The following CCDC150 variants were observed in gnomAD, a reference collection of about 807,000 sequenced individuals.
CCDC150 encodes the protein coiled-coil domain-containing protein 150.
A neutral mutation model predicts 156.5 loss-of-function variants in CCDC150; 151 were observed. The observed-to-expected ratio is 0.97, with a 90% CI of 0.85 to 1.10. The LOEUF (loss-of-function observed/expected upper bound fraction) is 1.10. Among genes scored for constraint, CCDC150 ranks in the 50% least tolerant of loss-of-function variants. The pLI is 0.00. For missense variants in CCDC150, 1,312 were observed against 1,268.1 expected (o/e 1.03, Z -0.53); for synonymous variants, 452 against 429.4 (o/e 1.05, Z -0.65).
At chr2:196,700,904 G>A (rs1368429100) in intron 14 of CCDC150, among the ~76,000 whole-genome samples, 2 of 152,178 alleles carry the variant, frequency 1.3e-5, no homozygotes, top group Admixed American at 1.3e-4. Context: ...AAAGCTTCAT[G>A]CTTTTATTAG....
intron 4 of CCDC150, among the ~76,000 whole-genome samples, chr2:196,658,252 C>A (rs935137185): frequency 4.0e-5 from 6 of 151,720 alleles, no homozygotes; most frequent in African/African-American, 1.5e-4. Context: ...GAGGAATGTT[C>A]TGTAAAAAAA....
In CCDC150 at chr2:196,674,354, C is replaced by T. The variant is rs756643549; in HGVS notation, c.1137+6C>T. 9.5e-6 allele frequency: 15 copies of T among 1,576,502 alleles called. No homozygotes were observed. The East Asian group carries it at 2.0e-4, about 22-fold the overall frequency. The stretch of plus-strand genomic sequence containing the variant: ...ACCATCAGGCCATTCTGCAGGTATT[C>T]GTTTAACATGAAAGCCAACCAGAAA... On this transcript the variant is annotated splice_donor_region_variant and intron_variant, in intron 10 of 27. Coordinates refer to ENST00000389175, the MANE Select transcript of CCDC150 (RefSeq NM_001080539.2).
intron 17 of CCDC150, among the ~76,000 whole-genome samples, chr2:196,714,664 T>C (rs1470652400): frequency 2.0e-5 from 3 of 152,170 alleles, no homozygotes; most frequent in Non-Finnish European, 2.9e-5. Flanking sequence ...CCTTGGTGTT[T>C]TTCCTTGATC....
chr2:196,713,023 T>A, intron 17 of CCDC150: 1 of 476,852 alleles, frequency 2.1e-6, no homozygotes. Context: ...TCTATACCCC[T>A]GGTAACCAAG....
At position 196,678,108 on chromosome 2, in the gene CCDC150, A is replaced by G. The variant is rs1694618615; in HGVS notation, c.1509+747A>G. On this transcript the variant is annotated intron_variant, in intron 13 of 27. Coordinates refer to ENST00000389175, the MANE Select transcript of CCDC150 (RefSeq NM_001080539.2). ...AACAGTAGAATGTCCAGAGAAACAA[A>G]TGAAATCCTTATTAAAATTAAACAA... Among the ~76,000 whole-genome samples the G allele has an allele frequency of 2.0e-5, 3 of 152,368 alleles. No homozygotes were observed. In the South Asian group the frequency reaches 6.2e-4, roughly 32 times the overall value.
At chr2:196,720,333 T>A in intron 19 of CCDC150, 1 of 466,210 alleles carries the variant, frequency 2.1e-6, no homozygotes. Context: ...GTCAAGGGAA[T>A]GGTATTAAAA....
intron 17 of CCDC150, among the ~76,000 whole-genome samples, chr2:196,714,602 A>C (rs1222876678): frequency 6.6e-6 from 1 of 152,090 alleles, no homozygotes; most frequent in East Asian, 1.9e-4. Flanking sequence ...TTTCCTTTTG[A>C]TCCAGCTTTG....
At chr2:196,665,209 C>T (rs1693774212) in intron 5 of CCDC150, among the ~76,000 whole-genome samples, 1 of 152,154 alleles carries the variant, frequency 6.6e-6, no homozygotes, top group African/African-American at 2.4e-5. Context: ...TATACACAAA[C>T]ATTTCCCAAA....
At chr2:196,721,870 G>A (rs1401503282) in intron 21 of CCDC150, among the ~76,000 whole-genome samples, 179 bp downstream of exon 21, 1 of 152,140 alleles carries the variant, frequency 6.6e-6, no homozygotes, top group Non-Finnish European at 1.5e-5. Flanking sequence ...GTAATAGCTG[G>A]CTAGAGCATG....
chr2:196,696,628 C>T (rs918389530), intron 14 of CCDC150, among the ~76,000 whole-genome samples: 4 of 152,202 alleles, frequency 2.6e-5, no homozygotes, highest in African/African-American at 9.7e-5. Context: ...GCAATTCTAG[C>T]TTGCAGCTCT....
intron 23 of CCDC150, 46 bp downstream of exon 23, chr2:196,729,433 T>G: frequency 6.4e-7 from 1 of 1,568,364 alleles, no homozygotes; most frequent in South Asian, 1.1e-5. Flanking sequence ...CCTGTGAGGA[T>G]GTAGTCAGTC....
chr2:196,655,545 G>C (rs1371016250), intron 2 of CCDC150, among the ~76,000 whole-genome samples: 1 of 152,162 alleles, frequency 6.6e-6, no homozygotes, highest in Non-Finnish European at 1.5e-5. Context: ...AAGTTAGTTA[G>C]AAGCCAGACC....
intron 25 of CCDC150, 98 bp downstream of exon 25, chr2:196,730,216 G>A (rs2125721209): frequency 2.0e-6 from 2 of 997,668 alleles, no homozygotes; most frequent in African/African-American, 1.6e-5. Context: ...GTCTACAGAA[G>A]ACAACACACA....
At chr2:196,692,159 G>A (rs1220939724) in intron 13 of CCDC150, among the ~76,000 whole-genome samples, 7 of 113,402 alleles carry the variant, frequency 6.2e-5, no homozygotes, top group Admixed American at 2.5e-4. Context: ...ACGGAGTCTC[G>A]CTCTGTCGCC....
At chr2:196,730,443 C>T (rs1458302312) in intron 25 of CCDC150, among the ~76,000 whole-genome samples, 2 of 152,280 alleles carry the variant, frequency 1.3e-5, no homozygotes, top group East Asian at 3.9e-4. Context: ...CACCTCGTTT[C>T]TTCTAGCACA....
At chr2:196,652,559 G>C (rs918399107) in intron 2 of CCDC150, among the ~76,000 whole-genome samples, 2 of 152,236 alleles carry the variant, frequency 1.3e-5, no homozygotes, top group African/African-American at 4.8e-5. Flanking sequence ...AGCCTCCATG[G>C]CTGCTCTCAA....
intron 25 of CCDC150, among the ~76,000 whole-genome samples, chr2:196,730,458 C>T (rs372281189): frequency 7.0e-4 from 107 of 152,310 alleles, no homozygotes; most frequent in African/African-American, 2.4e-3. Flanking sequence ...AGCACAGATA[C>T]ACCTGTTGCT....
Position 196,665,563 on chromosome 2 carries a change from G to A in CCDC150, c.646-4G>A. 1 of 1,574,414 alleles carries A rather than the reference G, an allele frequency of 6.4e-7. No individual in the cohort carries two copies. Among genetic ancestry groups the A allele is most frequent in the Non-Finnish European group, 8.7e-7 (1 of 1,153,446 alleles). ...TCTTGCCTAACTGCAGTGTTGCTTT[G>A]TAGCTAAGGAGACAACTGGCTCAGG... is the stretch of plus-strand genomic sequence containing the variant. On this transcript the variant is annotated splice_polypyrimidine_tract_variant and splice_region_variant and intron_variant, in intron 5 of 27. Coordinates refer to ENST00000389175, the MANE Select transcript of CCDC150 (RefSeq NM_001080539.2).
intron 5 of CCDC150, 103 bp downstream of exon 5, chr2:196,658,963 A>C: frequency 1.3e-6 from 1 of 775,116 alleles, no homozygotes; most frequent in South Asian, 1.8e-5. Context: ...AAAATATGTG[A>C]CTATGTAGTA....
Sources: allele counts gnomAD v4.1 joint callset (sites outside exome capture counted in the v4.1 genomes callset), GRCh38; gene constraint gnomAD v4.1.1; transcripts MANE v1.5; gene names NCBI Gene and HGNC (gene_info 2026-07-23, HGNC 2026-07-21).